CSNK2A2IP: variants seen among roughly 807,000 people sequenced by gnomAD.
CSNK2A2IP encodes the protein casein kinase II subunit alpha'-interacting protein.
chr3:88,392,440 A>G, the CSNK2A2IP span, among the ~76,000 whole-genome samples: 1 of 152,206 alleles, frequency 6.6e-6, no homozygotes, highest in African/African-American at 2.4e-5. Flanking sequence ...AGAAAAGTTG[A>G]GAAATTCATT....
At chr3:88,397,013 C>T in the CSNK2A2IP span, among the ~76,000 whole-genome samples, 1 of 152,000 alleles carries the variant, frequency 6.6e-6, no homozygotes, top group Non-Finnish European at 1.5e-5. Context: ...CGTCAGTGTG[C>T]CAAACGTATG....
the CSNK2A2IP span, chr3:88,465,279 T>C: frequency 2.4e-6 from 2 of 828,002 alleles, no homozygotes; most frequent in Non-Finnish European, 3.2e-6. Flanking sequence ...TTTCCATGGA[T>C]TCCCGCTAAA....
chr3:88,454,123 A>G, the CSNK2A2IP span, among the ~76,000 whole-genome samples: 2 of 151,990 alleles, frequency 1.3e-5, no homozygotes, highest in Non-Finnish European at 2.9e-5. Context: ...AATTTTAGTT[A>G]TTCAAGAAGT....
chr3:88,448,724 C>T, the CSNK2A2IP span, among the ~76,000 whole-genome samples: 2 of 152,160 alleles, frequency 1.3e-5, no homozygotes, highest in East Asian at 1.9e-4. Context: ...CTACTCACAG[C>T]GAACCTGCAG....
chr3:88,448,743 T>C, the CSNK2A2IP span, among the ~76,000 whole-genome samples: 3 of 152,340 alleles, frequency 2.0e-5, no homozygotes, highest in Non-Finnish European at 4.4e-5. Flanking sequence ...AGCCTATCTG[T>C]AAATTTAGAG....
the CSNK2A2IP span, among the ~76,000 whole-genome samples, chr3:88,396,255 G>A: frequency 1.3e-3 from 196 of 151,572 alleles, 1 homozygote; most frequent in African/African-American, 4.1e-3. Flanking sequence ...ACAGGCGCCC[G>A]CCACCTCGCC....
the CSNK2A2IP span, chr3:88,382,754 T>C: frequency 1.5e-4 from 23 of 152,200 alleles, no homozygotes; most frequent in African/African-American, 5.3e-4. Context: ...GTCCCCCTGA[T>C]TGAAGCAACT....
the CSNK2A2IP span, among the ~76,000 whole-genome samples, chr3:88,415,960 T>G: frequency 6.6e-6 from 1 of 151,896 alleles, no homozygotes; most frequent in African/African-American, 2.4e-5. Flanking sequence ...GCCTCTTTGT[T>G]CTCTAGAAGG....
the CSNK2A2IP span, chr3:88,338,564 C>G: frequency 6.6e-6 from 1 of 152,030 alleles, no homozygotes; most frequent in South Asian, 2.1e-4. Flanking sequence ...TGTTTCCTCA[C>G]CAGTGAAAAT....
chr3:88,356,364 A>G, the CSNK2A2IP span, among the ~76,000 whole-genome samples: 2 of 151,788 alleles, frequency 1.3e-5, no homozygotes, highest in African/African-American at 2.4e-5. Flanking sequence ...GTTTTTCTCT[A>G]CCTGGCTTAT....
the CSNK2A2IP span, among the ~76,000 whole-genome samples, chr3:88,375,303 G>A: frequency 2.6e-5 from 4 of 151,912 alleles, no homozygotes; most frequent in East Asian, 7.7e-4. Context: ...TATAAGGCAA[G>A]CCATCGCTGA....
At chr3:88,391,998 C>T in the CSNK2A2IP span, among the ~76,000 whole-genome samples, 3 of 152,004 alleles carry the variant, frequency 2.0e-5, no homozygotes, top group African/African-American at 4.8e-5. Flanking sequence ...CATTGATGAG[C>T]GCTTTAATGG....
chr3:88,388,450 TC>T, the CSNK2A2IP span, among the ~76,000 whole-genome samples: 2 of 152,196 alleles, frequency 1.3e-5, no homozygotes, highest in Non-Finnish European at 2.9e-5. Context: ...AATGTTACAG[TC>T]TTTGGTCAGA....
At chr3:88,351,359 A>G in the CSNK2A2IP span, among the ~76,000 whole-genome samples, 1 of 152,122 alleles carries the variant, frequency 6.6e-6, no homozygotes, top group Non-Finnish European at 1.5e-5. Flanking sequence ...TTGTAGATCA[A>G]ATAATGAGGT....
At chr3:88,367,487 A>G in the CSNK2A2IP span, among the ~76,000 whole-genome samples, 1 of 152,140 alleles carries the variant, frequency 6.6e-6, no homozygotes, top group African/African-American at 2.4e-5. Flanking sequence ...ATTTGTAATT[A>G]AGATAAAAAA....
the CSNK2A2IP span, among the ~76,000 whole-genome samples, chr3:88,436,267 T>A: frequency 6.6e-6 from 1 of 152,068 alleles, no homozygotes; most frequent in Non-Finnish European, 1.5e-5. Context: ...GGTTAATCAA[T>A]TTTTTTGCAC....
At chr3:88,368,948 A>T in the CSNK2A2IP span, among the ~76,000 whole-genome samples, 1 of 152,156 alleles carries the variant, frequency 6.6e-6, no homozygotes, top group East Asian at 1.9e-4. Context: ...CTTCCAAATG[A>T]TCAATCCTGA....
At chr3:88,421,613 T>A in the CSNK2A2IP span, among the ~76,000 whole-genome samples, 1 of 152,174 alleles carries the variant, frequency 6.6e-6, no homozygotes, top group East Asian at 1.9e-4. Context: ...GATGGGGTTT[T>A]ACTATGTTGG....
the CSNK2A2IP span, among the ~76,000 whole-genome samples, chr3:88,377,216 C>A: frequency 6.6e-6 from 1 of 151,708 alleles, no homozygotes; most frequent in Non-Finnish European, 1.5e-5. Flanking sequence ...CTTGGCATAA[C>A]CTCAAAGTCA....
Sources: gnomAD v4.1 joint callset for allele counts (sites outside exome capture counted in the v4.1 genomes callset) on GRCh38, gnomAD v4.1.1 for gene constraint, MANE v1.5 for transcripts, NCBI Gene and HGNC (gene_info 2026-07-23, HGNC 2026-07-21) for gene names.